SGCZ: variants seen among roughly 807,000 people sequenced by gnomAD.
SGCZ encodes the protein zeta-sarcoglycan.
A neutral mutation model predicts 41.3 loss-of-function variants in SGCZ; 40 were observed. The observed-to-expected ratio is 0.97, with a 90% confidence interval of 0.75 to 1.26. SGCZ has a LOEUF of 1.26. Ranked by LOEUF, SGCZ falls within the 50% of genes most tolerant of loss-of-function variation. SGCZ has a pLI of 0.00. For missense variants in SGCZ, 552 were observed against 369.8 expected (o/e 1.49, Z -4.04); for synonymous variants, 206 against 137.5 (o/e 1.50, Z -3.49).
chr8:14,568,449 A>AAG (rs1804449456), intron 1 of SGCZ, among the ~76,000 whole-genome samples: 1 of 151,858 alleles, frequency 6.6e-6, no homozygotes, highest in Admixed American at 6.6e-5. Flanking sequence ...TATCAGAAAA[A>AAG]AAAAAAAAAA....
intron 1 of SGCZ, among the ~76,000 whole-genome samples, chr8:14,662,127 G>T (rs1205857368): frequency 1.4e-5 from 2 of 142,712 alleles, no homozygotes; most frequent in East Asian, 2.0e-4. Context: ...TCAAAATCCA[G>T]TCACTGTAAT....
chr8:15,099,278 T>C (rs1806511402), intron 1 of SGCZ, among the ~76,000 whole-genome samples: 1 of 151,986 alleles, frequency 6.6e-6, no homozygotes, highest in Non-Finnish European at 1.5e-5. Flanking sequence ...TGTAAAAAAA[T>C]ACTAAAATGG....
intron 2 of SGCZ, among the ~76,000 whole-genome samples, chr8:14,357,015 G>A (rs1803321290): frequency 6.6e-6 from 1 of 151,948 alleles, no homozygotes; most frequent in Non-Finnish European, 1.5e-5. Flanking sequence ...AGTGATAAAT[G>A]AGAAGCAATA....
chr8:14,677,384 G>C (rs1294472266), intron 1 of SGCZ, among the ~76,000 whole-genome samples: 1 of 152,080 alleles, frequency 6.6e-6, no homozygotes, highest in Non-Finnish European at 1.5e-5. Context: ...TTCCCAACTT[G>C]ATTCATAGAT....
intron 1 of SGCZ, among the ~76,000 whole-genome samples, chr8:15,126,358 G>T (rs755013992): frequency 6.6e-6 from 1 of 152,066 alleles, no homozygotes; most frequent in Non-Finnish European, 1.5e-5. Flanking sequence ...AACTCTACCC[G>T]TTATTCCATA....
At chr8:14,484,650 AT>A in intron 2 of SGCZ, among the ~76,000 whole-genome samples, 1 of 152,222 alleles carries the variant, frequency 6.6e-6, no homozygotes, top group Non-Finnish European at 1.5e-5. Flanking sequence ...TTTTTAGGTA[AT>A]TTATTCTTCT....
At chr8:14,915,944 T>C (rs1176648183) in intron 1 of SGCZ, among the ~76,000 whole-genome samples, 1 of 152,212 alleles carries the variant, frequency 6.6e-6, no homozygotes, top group Non-Finnish European at 1.5e-5. Context: ...TTGTAAATGT[T>C]AGCCATTTTA....
intron 2 of SGCZ, among the ~76,000 whole-genome samples, chr8:14,391,560 G>A (rs970861700): frequency 1.3e-5 from 2 of 152,092 alleles, no homozygotes; most frequent in Admixed American, 1.3e-4. Context: ...GTGGCTAGAG[G>A]AGAAGCCATA....
chr8:14,653,719 T>C (rs186260414), intron 1 of SGCZ, among the ~76,000 whole-genome samples: 1 of 151,328 alleles, frequency 6.6e-6, no homozygotes, highest in East Asian at 1.9e-4. Flanking sequence ...TTCACAGACA[T>C]AATCCAAACA....
intron 3 of SGCZ, among the ~76,000 whole-genome samples, chr8:14,258,313 AT>A (rs1799536195): frequency 6.6e-6 from 1 of 152,160 alleles, no homozygotes; most frequent in African/African-American, 2.4e-5. Context: ...GGCATATTTC[AT>A]TTAAAGAGGG....
chr8:14,933,783 A>G (rs1799997928), intron 1 of SGCZ, among the ~76,000 whole-genome samples: 1 of 151,984 alleles, frequency 6.6e-6, no homozygotes, highest in Non-Finnish European at 1.5e-5. Context: ...GTATACACTG[A>G]TACAGCTATG....
At chr8:14,897,721 A>G (rs966513634) in intron 1 of SGCZ, among the ~76,000 whole-genome samples, 5 of 152,180 alleles carry the variant, frequency 3.3e-5, no homozygotes, top group African/African-American at 1.2e-4. Flanking sequence ...ACTGTATTAT[A>G]TCAACAAATG....
chr8:14,637,565 T>C (rs528661262), intron 1 of SGCZ, among the ~76,000 whole-genome samples: 168 of 145,914 alleles, frequency 1.2e-3, no homozygotes, highest in African/African-American at 3.6e-3. Flanking sequence ...AGTGAGAACA[T>C]GCAGTATTTG....
At chr8:14,168,911 A>T (rs1262508483) in intron 4 of SGCZ, among the ~76,000 whole-genome samples, 1 of 152,196 alleles carries the variant, frequency 6.6e-6, no homozygotes. Context: ...GAAGCATTTT[A>T]CAAATATAAA....
At chr8:14,633,791 T>A (rs1275794719) in intron 1 of SGCZ, among the ~76,000 whole-genome samples, 1 of 151,964 alleles carries the variant, frequency 6.6e-6, no homozygotes, top group Non-Finnish European at 1.5e-5. Flanking sequence ...AAAGACCTGA[T>A]GCTAAAAGTT....
chr8:14,213,214 A>G (rs1401160071), intron 4 of SGCZ, among the ~76,000 whole-genome samples: 4 of 152,188 alleles, frequency 2.6e-5, no homozygotes, highest in Non-Finnish European at 5.9e-5. Context: ...AGAAGCTGAA[A>G]GAGAATAAAC....
At chr8:15,132,665 G>A (rs1807955331) in intron 1 of SGCZ, among the ~76,000 whole-genome samples, 3 of 152,162 alleles carry the variant, frequency 2.0e-5, no homozygotes, top group African/African-American at 4.8e-5. Context: ...AGTTGTGAGA[G>A]CAATTGGTAA....
intron 3 of SGCZ, among the ~76,000 whole-genome samples, chr8:14,298,413 G>T (rs914324669): frequency 6.6e-6 from 1 of 151,824 alleles, no homozygotes; most frequent in Non-Finnish European, 1.5e-5. Flanking sequence ...TATTTCATTT[G>T]TAGACAAGAT....
chr8:14,892,124 A>G lies in SGCZ; in HGVS notation c.40-337198T>C, dbSNP rs114618952. ...CAATTTATTACGTATGTAGTTGTAC[A>G]TCATTTTACATTATGGCTTCCATAC... On this transcript the variant is annotated intron_variant, in intron 1 of 7. Coordinates refer to ENST00000382080, the MANE Select transcript of SGCZ (RefSeq NM_139167.4). 2.0e-3 allele frequency among the ~76,000 whole-genome samples: 305 copies of G among 152,296 alleles called. 1 individual carries two copies. The highest frequency in any genetic ancestry group is 7.0e-3 in the African/African-American group (291 of 41,566).
Sources: allele counts gnomAD v4.1 joint callset (sites outside exome capture counted in the v4.1 genomes callset), GRCh38; gene constraint gnomAD v4.1.1; transcripts MANE v1.5; gene names NCBI Gene and HGNC (gene_info 2026-07-23, HGNC 2026-07-21).